The following SETD5 variants were observed in gnomAD, a reference collection of about 807,000 sequenced individuals.
SETD5 encodes the protein SET domain containing 5, also known as histone-lysine N-methyltransferase SETD5.
A neutral mutation model predicts 153.3 loss-of-function variants in SETD5; 44 were observed. That is an observed-to-expected ratio of 0.29 (90% CI 0.23 to 0.37). The LOEUF is 0.37. Ranked by LOEUF, SETD5 falls within the 10% of genes least tolerant of loss-of-function variation. SETD5 has a pLI of 1.00. For missense variants in SETD5, 1,544 were observed against 1,768.0 expected (o/e 0.87, Z 2.27); for synonymous variants, 716 against 645.2 (o/e 1.11, Z -1.66).
At chr3:9,456,435 T>C (rs531710619) in intron 17 of SETD5, among the ~76,000 whole-genome samples, 1 of 146,198 alleles carries the variant, frequency 6.8e-6, no homozygotes, top group Non-Finnish European at 1.5e-5. Flanking sequence ...ATTGCGCCAC[T>C]CCACTCCAGC....
In SETD5 at chr3:9,401,206, A is replaced by G. The variant is rs147739787; in HGVS notation, c.-177+3229A>G. On this transcript the variant is annotated intron_variant, in intron 1 of 22. Transcript: ENST00000402198. ...ATGGATACTATTTTAGGAGGTTCCA[A>G]TTCTTATTACTATCACATAGATAAG... Among the ~76,000 whole-genome samples the G allele has an allele frequency of 5.0e-3, 755 of 152,360 alleles. 13 individuals carry two copies. Among genetic ancestry groups the G allele is most frequent in the African/African-American group, 0.017 (725 of 41,576 alleles).
In SETD5 at chr3:9,407,728, C is replaced by T. The variant is rs144009795; in HGVS notation, c.-177+9751C>T. ...TTAAAATTAATCTTTTGGCTGGGTG[C>T]GGTGGCTCATGCCTGTAAACCCAAC... On this transcript the variant is annotated intron_variant, in intron 1 of 22. Coordinates refer to ENST00000402198, the MANE Select transcript of SETD5 (RefSeq NM_001080517.3). 1.2e-4 allele frequency among the ~76,000 whole-genome samples: 19 copies of T among 152,158 alleles called. No homozygotes were observed. In the South Asian group the frequency reaches 2.7e-3, roughly 22 times the overall value.
At chr3:9,473,675 G>C (rs1276390028) in intron 20 of SETD5, 138 bp downstream of exon 20, 1 of 860,228 alleles carries the variant, frequency 1.2e-6, no homozygotes. Flanking sequence ...AGTACCATCT[G>C]TCCTGTTCAG....
At chr3:9,399,897 G>C (rs953505174) in intron 1 of SETD5, among the ~76,000 whole-genome samples, 4 of 143,384 alleles carry the variant, frequency 2.8e-5, no homozygotes, top group Admixed American at 7.2e-5. Context: ...CTTTGGGTTG[G>C]ATCACAGGGG....
chr3:9,463,890 G>A (rs1373666670), intron 17 of SETD5, among the ~76,000 whole-genome samples: 15 of 152,254 alleles, frequency 9.9e-5, no homozygotes, highest in Non-Finnish European at 2.1e-4. Flanking sequence ...CACTTGGGGC[G>A]TCTAAGGCGG....
At chr3:9,441,833 T>C in intron 9 of SETD5, 92 bp downstream of exon 9, 2 of 1,511,744 alleles carry the variant, frequency 1.3e-6, no homozygotes, top group Non-Finnish European at 1.8e-6. Context: ...AAGACGCTCT[T>C]GGGAGAAAAA....
intron 16 of SETD5, 116 bp downstream of exon 16, chr3:9,448,746 C>A: frequency 2.0e-6 from 2 of 1,010,810 alleles, no homozygotes; most frequent in Non-Finnish European, 2.8e-6. Context: ...GCCACTCTGC[C>A]CATGTGAGTT....
intron 3 of SETD5, among the ~76,000 whole-genome samples, chr3:9,432,524 T>C (rs1462107438): frequency 1.3e-5 from 2 of 152,194 alleles, no homozygotes; most frequent in Non-Finnish European, 2.9e-5. Flanking sequence ...GTTAGAGTTA[T>C]ACCAATCATC....
chr3:9,469,013 G>C (rs140500164), intron 18 of SETD5, among the ~76,000 whole-genome samples: 3 of 152,204 alleles, frequency 2.0e-5, no homozygotes, highest in Admixed American at 6.5e-5. Flanking sequence ...CTTGTTCTAG[G>C]GTTAATCTAA....
At chr3:9,449,751 A>G (rs1419040126) in intron 16 of SETD5, among the ~76,000 whole-genome samples, 1 of 152,210 alleles carries the variant, frequency 6.6e-6, no homozygotes, top group Non-Finnish European at 1.5e-5. Flanking sequence ...GAAGGACACT[A>G]CTGCTGAATG....
chr3:9,460,938 T>C (rs993333281), intron 17 of SETD5, among the ~76,000 whole-genome samples: 1 of 152,176 alleles, frequency 6.6e-6, no homozygotes, highest in African/African-American at 2.4e-5. Context: ...AAAGACATGA[T>C]ATCAGAAGCA....
chr3:9,411,904 C>T (rs1261967548), intron 1 of SETD5, among the ~76,000 whole-genome samples: 1 of 152,122 alleles, frequency 6.6e-6, no homozygotes, highest in African/African-American at 2.4e-5. Context: ...CCTCTGACTT[C>T]ACAAGTATAC....
At chr3:9,405,669 A>C (rs1019042084) in intron 1 of SETD5, among the ~76,000 whole-genome samples, 1 of 152,216 alleles carries the variant, frequency 6.6e-6, no homozygotes, top group South Asian at 2.1e-4. Context: ...TCATTCTTAG[A>C]TATTATGATC....
intron 1 of SETD5, among the ~76,000 whole-genome samples, chr3:9,403,881 T>C (rs2035233175): frequency 6.6e-6 from 1 of 152,236 alleles, no homozygotes; most frequent in South Asian, 2.1e-4. Flanking sequence ...CTGAACAACA[T>C]TTTTAGTTAC....
At chr3:9,398,002 C>G (rs909045662) in intron 1 of SETD5, 25 bp downstream of exon 1, 1 of 152,040 alleles carries the variant, frequency 6.6e-6, no homozygotes, top group African/African-American at 2.4e-5. Flanking sequence ...GAAAAGAGAC[C>G]GAACCTCACG....
intron 1 of SETD5, among the ~76,000 whole-genome samples, chr3:9,412,414 TTTTA>T (rs549584143): frequency 0.035 from 4,948 of 143,204 alleles, 159 homozygotes; most frequent in Admixed American, 0.075. Flanking sequence ...TTTTTTTTTT[TTTTA>T]AAGAGACAAG....
chr3:9,415,335 C>G (rs1202786114), intron 1 of SETD5, among the ~76,000 whole-genome samples: 7 of 152,042 alleles, frequency 4.6e-5, no homozygotes, highest in Non-Finnish European at 8.8e-5. Flanking sequence ...ATTAAGATTT[C>G]CAGAGAAAGT....
chr3:9,437,993 A>G lies in SETD5; in HGVS notation c.567+2087A>G, dbSNP rs2040791084. ...ACTCCAGCCTGGGCAACAGAGCAAGACTCCATCTCAAAAAAAAAAAAAAAT... is the reference window on the plus strand; with the variant it reads ...ACTCCAGCCTGGGCAACAGAGCAAGGCTCCATCTCAAAAAAAAAAAAAAAT... On this transcript the variant is annotated intron_variant, in intron 7 of 22. Transcript: ENST00000402198. Among the ~76,000 whole-genome samples, 5 of 141,626 alleles carry G rather than the reference A, an allele frequency of 3.5e-5. No homozygotes were observed. The Admixed American group carries it at 3.5e-4, about 10-fold the overall frequency. 92.9% of individuals were successfully genotyped at this position (141,626 alleles called of 152,430 possible). A position where few individuals can be genotyped will look rare whatever the true frequency, so the allele number is the denominator to read the frequency against.
intron 17 of SETD5, among the ~76,000 whole-genome samples, chr3:9,459,809 A>C (rs1000912247): frequency 6.6e-6 from 1 of 152,164 alleles, no homozygotes; most frequent in Admixed American, 6.5e-5. Context: ...TGAAAATTTA[A>C]TAATCGTCAT....
Sources: allele counts gnomAD v4.1 joint callset (sites outside exome capture counted in the v4.1 genomes callset), GRCh38; gene constraint gnomAD v4.1.1; transcripts MANE v1.5; gene names NCBI Gene and HGNC (gene_info 2026-07-23, HGNC 2026-07-21).